TMEM132B: variants seen among roughly 807,000 people sequenced by gnomAD.
TMEM132B encodes the protein transmembrane protein 132B.
A neutral mutation model predicts 90.8 loss-of-function variants in TMEM132B; 18 were observed. The observed-to-expected ratio is 0.20, with a 90% CI of 0.14 to 0.29. The LOEUF (loss-of-function observed/expected upper bound fraction) is 0.29. Among genes scored for constraint, TMEM132B ranks in the 10% least tolerant of loss-of-function variants. TMEM132B has a pLI of 1.00. For missense variants in TMEM132B, 1,096 were observed against 1,326.8 expected (o/e 0.83, Z 2.70); for synonymous variants, 504 against 523.3 (o/e 0.96, Z 0.50).
At chr12:125,523,149 T>C (rs922682302) in intron 4 of TMEM132B, among the ~76,000 whole-genome samples, 1 of 152,168 alleles carries the variant, frequency 6.6e-6, no homozygotes, top group Non-Finnish European at 1.5e-5. Flanking sequence ...ATATTATTAA[T>C]TTTCCTGTGC....
At chr12:125,607,755 C>T (rs1885731411) in intron 5 of TMEM132B, among the ~76,000 whole-genome samples, 1 of 152,146 alleles carries the variant, frequency 6.6e-6, no homozygotes, top group Admixed American at 6.5e-5. Flanking sequence ...GCAACTATTC[C>T]TCATTTTCTC....
chr12:125,219,168 T>A (rs1873505274), intron 1 of TMEM132B, among the ~76,000 whole-genome samples: 1 of 152,178 alleles, frequency 6.6e-6, no homozygotes, highest in South Asian at 2.1e-4. Context: ...CTTAAATGTA[T>A]AGCCATGATG....
chr12:125,586,674 G>A (rs1358660187), intron 5 of TMEM132B: 1 of 152,180 alleles, frequency 6.6e-6, no homozygotes. Context: ...GAGTCATTTA[G>A]TAGCTGCCTG....
At chr12:125,551,198 C>T (rs34623338) in intron 4 of TMEM132B, among the ~76,000 whole-genome samples, 2 of 152,162 alleles carry the variant, frequency 1.3e-5, no homozygotes, top group Admixed American at 6.5e-5. Context: ...AATAGCTTTT[C>T]GGTATATATT....
intron 4 of TMEM132B, among the ~76,000 whole-genome samples, chr12:125,582,964 T>C (rs1465629785): frequency 6.6e-6 from 1 of 151,804 alleles, no homozygotes; most frequent in Non-Finnish European, 1.5e-5. Context: ...GTCAGATCAT[T>C]CCATGTCCAT....
At chr12:125,211,240 G>C (rs888433894) in intron 1 of TMEM132B, among the ~76,000 whole-genome samples, 3 of 152,190 alleles carry the variant, frequency 2.0e-5, no homozygotes, top group African/African-American at 7.2e-5. Flanking sequence ...AGGCTCGACT[G>C]TGATTGGAAA....
chr12:125,266,342 G>C (rs1029558201), intron 1 of TMEM132B, among the ~76,000 whole-genome samples: 1 of 152,212 alleles, frequency 6.6e-6, no homozygotes, highest in African/African-American at 2.4e-5. Context: ...GAAAACATTT[G>C]CCAAGGTCTG....
chr12:125,409,383 A>T (rs981208651), intron 2 of TMEM132B, among the ~76,000 whole-genome samples: 1 of 152,158 alleles, frequency 6.6e-6, no homozygotes, highest in South Asian at 2.1e-4. Context: ...CCTGGAGGCT[A>T]CTGGAACCCG....
At chr12:125,516,128 ATC>A (rs760790004) in intron 3 of TMEM132B, among the ~76,000 whole-genome samples, 6 of 147,726 alleles carry the variant, frequency 4.1e-5, no homozygotes, top group African/African-American at 1.0e-4. Flanking sequence ...CACTATCGCA[ATC>A]TCACACACAC....
Position 125,546,431 on chromosome 12 carries a change from C to T in TMEM132B, c.1293+26806C>T, listed in dbSNP as rs192343990. 9.2e-5 allele frequency among the ~76,000 whole-genome samples: 14 copies of T among 152,334 alleles called. No individual in the cohort carries two copies. The East Asian group carries it at 2.5e-3, about 27-fold the overall frequency. ...TCTCCTCACCTAGTGATCCACCTGT[C>T]TTGGCCTCCCAAAGTGCTGGGATTA... On this transcript the variant is annotated intron_variant, in intron 4 of 8. Coordinates refer to ENST00000682704, the MANE Select transcript of TMEM132B (RefSeq NM_001366854.1).
At chr12:125,540,623 C>G (rs1471430191) in intron 4 of TMEM132B, among the ~76,000 whole-genome samples, 1 of 152,236 alleles carries the variant, frequency 6.6e-6, no homozygotes, top group South Asian at 2.1e-4. Context: ...ACTGTTATAG[C>G]CACTGTGGCT....
intron 3 of TMEM132B, among the ~76,000 whole-genome samples, chr12:125,497,275 T>C (rs1882586232): frequency 1.3e-5 from 2 of 152,374 alleles, no homozygotes; most frequent in African/African-American, 4.8e-5. Flanking sequence ...TGGAGAGTGA[T>C]GCTCTCAATT....
chr12:125,457,227 C>T (rs1358012450), intron 3 of TMEM132B, among the ~76,000 whole-genome samples: 4 of 152,250 alleles, frequency 2.6e-5, no homozygotes, highest in Admixed American at 6.5e-5. Context: ...CTTCTCTCCA[C>T]CTCCTTCGCA....
intron 3 of TMEM132B, among the ~76,000 whole-genome samples, chr12:125,432,964 G>A (rs10846887): frequency 0.48 from 72,889 of 151,898 alleles, 20,336 homozygotes; most frequent in African/African-American, 0.77. Flanking sequence ...ACCTCAGAGT[G>A]GAATGCCAAT....
At chr12:125,627,795 C>T (rs929711349) in intron 5 of TMEM132B, among the ~76,000 whole-genome samples, 2 of 152,078 alleles carry the variant, frequency 1.3e-5, no homozygotes, top group African/African-American at 4.8e-5. Context: ...CATTAACCAT[C>T]CCCACCTCCC....
chr12:125,629,968 C>G (rs954242080), intron 5 of TMEM132B, among the ~76,000 whole-genome samples: 32 of 152,152 alleles, frequency 2.1e-4, no homozygotes, highest in Non-Finnish European at 2.4e-4. Flanking sequence ...TTGAACCATC[C>G]TTGCATCCCA....
At chr12:125,501,542 C>G (rs1592958647) in intron 3 of TMEM132B, among the ~76,000 whole-genome samples, 1 of 152,272 alleles carries the variant, frequency 6.6e-6, no homozygotes, top group East Asian at 1.9e-4. Context: ...CACCCCACCC[C>G]CGACAGGCCC....
At chr12:125,633,584 T>C (rs946885171) in intron 5 of TMEM132B, among the ~76,000 whole-genome samples, 6 of 152,220 alleles carry the variant, frequency 3.9e-5, no homozygotes, top group Non-Finnish European at 8.8e-5. Context: ...GCTTTCCAGG[T>C]ATTCAAAAGG....
chr12:125,627,888 C>T (rs1886271555), intron 5 of TMEM132B, among the ~76,000 whole-genome samples: 1 of 152,134 alleles, frequency 6.6e-6, no homozygotes, highest in Non-Finnish European at 1.5e-5. Context: ...ATTTTTAGAT[C>T]CCACAAATAA....
Sources: gnomAD v4.1 joint callset for allele counts (sites outside exome capture counted in the v4.1 genomes callset) on GRCh38, gnomAD v4.1.1 for gene constraint, MANE v1.5 for transcripts, NCBI Gene and HGNC (gene_info 2026-07-23, HGNC 2026-07-21) for gene names.